Variants in PLCL1 observed in about 807,000 individuals in gnomAD.
The protein encoded by PLCL1 is phospholipase C like 1 (inactive), also known as inactive phospholipase C-like protein 1.
In PLCL1, 41 loss-of-function variants were observed where a neutral mutation model predicts 84.4. The observed-to-expected ratio is 0.49, with a 90% confidence interval of 0.38 to 0.63. The LOEUF (loss-of-function observed/expected upper bound fraction) is 0.63. PLCL1 is among the 30% of genes least tolerant of loss of function. The probability of loss-of-function intolerance (pLI) is 0.00; values close to 1 mark genes in which losing one functional copy is unlikely to be tolerated. For missense variants in PLCL1, 1,206 were observed against 1,367.8 expected, an observed-to-expected ratio of 0.88 and a Z score of 1.87; for synonymous variants, 490 against 488.3, an observed-to-expected ratio of 1.00 and a Z score of -0.05.
At chr2:198,034,241 G>A (rs1296082343) in intron 1 of PLCL1, among the ~76,000 whole-genome samples, 8 of 151,868 alleles carry the variant, frequency 5.3e-5, no homozygotes, top group Middle Eastern at 3.4e-3. Flanking sequence ...GAGAACATGC[G>A]ATGTTTGGTT....
intron 1 of PLCL1, among the ~76,000 whole-genome samples, chr2:198,049,107 T>A (rs1451012258): frequency 1.3e-5 from 2 of 152,204 alleles, no homozygotes; most frequent in Non-Finnish European, 2.9e-5. Flanking sequence ...GAGTGTTTAA[T>A]GCTCAGTGAC....
intron 1 of PLCL1, among the ~76,000 whole-genome samples, chr2:198,052,079 T>A (rs1012004407): frequency 3.0e-4 from 46 of 152,278 alleles, no homozygotes; most frequent in African/African-American, 1.1e-3. Context: ...CCGGCTAATT[T>A]TTTTGTATTT....
intron 1 of PLCL1, among the ~76,000 whole-genome samples, chr2:197,852,111 G>T (rs184730464): frequency 6.6e-6 from 1 of 152,184 alleles, no homozygotes; most frequent in Non-Finnish European, 1.5e-5. Context: ...TTGATGTACC[G>T]GGTGGTGATA....
chr2:197,816,857 T>G (rs1480816230), intron 1 of PLCL1, among the ~76,000 whole-genome samples: 1 of 152,162 alleles, frequency 6.6e-6, no homozygotes, highest in African/African-American at 2.4e-5. Flanking sequence ...TCCATTAAAC[T>G]GAAATTCTGT....
intron 1 of PLCL1, among the ~76,000 whole-genome samples, chr2:197,955,314 C>T (rs1040154318): frequency 6.6e-6 from 1 of 151,994 alleles, no homozygotes; most frequent in Non-Finnish European, 1.5e-5. Flanking sequence ...AGTGATGGTC[C>T]TTGACAGTCT....
At chr2:197,852,497 G>A (rs552545888) in intron 1 of PLCL1, among the ~76,000 whole-genome samples, 4 of 152,182 alleles carry the variant, frequency 2.6e-5, no homozygotes, top group Non-Finnish European at 5.9e-5. Context: ...TGCATTTATT[G>A]TAGATTAAAG....
chr2:198,066,398 C>G (rs1025417492), intron 1 of PLCL1, among the ~76,000 whole-genome samples: 4 of 152,122 alleles, frequency 2.6e-5, no homozygotes, highest in African/African-American at 9.7e-5. Context: ...CTCAGTTGCC[C>G]AAACCAGAGA....
At chr2:197,900,845 C>T (rs1688249178) in intron 1 of PLCL1, among the ~76,000 whole-genome samples, 1 of 152,094 alleles carries the variant, frequency 6.6e-6, no homozygotes, top group East Asian at 1.9e-4. Flanking sequence ...TTGGAAGATG[C>T]AAGAGTAAGT....
intron 1 of PLCL1, among the ~76,000 whole-genome samples, chr2:197,971,971 G>A (rs1689877435): frequency 6.6e-6 from 1 of 152,182 alleles, no homozygotes; most frequent in Non-Finnish European, 1.5e-5. Context: ...TATACTGCCA[G>A]TACATGCATT....
At chr2:198,028,087 C>T (rs1691316326) in intron 1 of PLCL1, among the ~76,000 whole-genome samples, 1 of 152,136 alleles carries the variant, frequency 6.6e-6, no homozygotes, top group African/African-American at 2.4e-5. Context: ...GCAATCCTCC[C>T]ATCTCAGCCT....
chr2:198,022,363 C>A (rs1443109343), intron 1 of PLCL1, among the ~76,000 whole-genome samples: 1 of 152,162 alleles, frequency 6.6e-6, no homozygotes, highest in East Asian at 1.9e-4. Context: ...CCCTCTCTCA[C>A]CACTCCTATT....
chr2:197,952,206 C>T (rs1689402858), intron 1 of PLCL1, among the ~76,000 whole-genome samples: 1 of 152,100 alleles, frequency 6.6e-6, no homozygotes, highest in African/African-American at 2.4e-5. Context: ...GTGGGATTCC[C>T]TGGTGTTCAA....
At chr2:197,831,953 C>T (rs921528795) in intron 1 of PLCL1, among the ~76,000 whole-genome samples, 19 of 152,222 alleles carry the variant, frequency 1.2e-4, no homozygotes, top group African/African-American at 4.3e-4. Context: ...TTCTTTGAAA[C>T]CAATGAGAAC....
At chr2:198,097,477 A>C (rs1693229465) in intron 3 of PLCL1, among the ~76,000 whole-genome samples, 1 of 152,196 alleles carries the variant, frequency 6.6e-6, no homozygotes, top group African/African-American at 2.4e-5. Flanking sequence ...AAGGTAGTCA[A>C]ATTGGCCTGA....
chr2:198,068,121 T>G (rs1021933785), intron 1 of PLCL1, among the ~76,000 whole-genome samples: 7 of 152,206 alleles, frequency 4.6e-5, no homozygotes, highest in Admixed American at 2.0e-4. Flanking sequence ...AGAGATTAAT[T>G]AGAGCTCAGT....
chr2:197,850,031 G>GACACACAGACACAC (rs1687200304), intron 1 of PLCL1, among the ~76,000 whole-genome samples: 1 of 134,942 alleles, frequency 7.4e-6, no homozygotes, highest in African/African-American at 2.7e-5. Flanking sequence ...GACACACACA[G>GACACACAGACACAC]ACACACACAC....
chr2:197,985,518 G>T (rs1690202803), intron 1 of PLCL1, among the ~76,000 whole-genome samples: 1 of 152,166 alleles, frequency 6.6e-6, no homozygotes, highest in African/African-American at 2.4e-5. Context: ...AGGGCCTTCT[G>T]CCTGTGTTTG....
intron 1 of PLCL1, among the ~76,000 whole-genome samples, chr2:198,001,465 C>A (rs981170716): frequency 6.6e-6 from 1 of 152,110 alleles, no homozygotes; most frequent in Non-Finnish European, 1.5e-5. Context: ...GTACCCTTTT[C>A]CCATCACTAC....
At chr2:197,901,956 A>C (rs1472503956) in intron 1 of PLCL1, among the ~76,000 whole-genome samples, 1 of 152,186 alleles carries the variant, frequency 6.6e-6, no homozygotes, top group Non-Finnish European at 1.5e-5. Context: ...TATGTTAAGC[A>C]CTTCTTATCA....
Sources: gnomAD v4.1 joint callset for allele counts (sites outside exome capture counted in the v4.1 genomes callset) on GRCh38, gnomAD v4.1.1 for gene constraint, MANE v1.5 for transcripts, NCBI Gene and HGNC (gene_info 2026-07-23, HGNC 2026-07-21) for gene names.